Variants in UNC5D observed in about 807,000 individuals in gnomAD.
UNC5D encodes the protein unc-5 netrin receptor D, also known as netrin receptor UNC5D.
A neutral mutation model predicts 105.4 loss-of-function variants in UNC5D; 39 were observed. The ratio of observed to expected loss-of-function variants is 0.37; its 90% CI spans 0.29 to 0.48. UNC5D has a LOEUF of 0.48. Among genes scored for constraint, UNC5D ranks in the 20% least tolerant of loss-of-function variants. The pLI, the probability that UNC5D is intolerant of heterozygous loss-of-function variation, is 0.98. For missense variants in UNC5D, 991 were observed against 1,202.4 expected (o/e 0.82, Z 2.60); for synonymous variants, 452 against 450.4 (o/e 1.00, Z -0.04).
At chr8:35,352,203 A>T (rs1488365123) in intron 1 of UNC5D, among the ~76,000 whole-genome samples, 1 of 152,092 alleles carries the variant, frequency 6.6e-6, no homozygotes, top group Non-Finnish European at 1.5e-5. Context: ...ATATTTATTG[A>T]CACATAAGAT....
chr8:35,751,067 C>G (rs1328093329), intron 13 of UNC5D, among the ~76,000 whole-genome samples: 1 of 152,072 alleles, frequency 6.6e-6, no homozygotes, highest in Non-Finnish European at 1.5e-5. Flanking sequence ...TCAGTCTCCC[C>G]AAGAATTTAA....
At chr8:35,240,957 G>A (rs112053286) in intron 1 of UNC5D, among the ~76,000 whole-genome samples, 1 of 152,230 alleles carries the variant, frequency 6.6e-6, no homozygotes, top group African/African-American at 2.4e-5. Context: ...TTTCAATTTT[G>A]AATTTCGGCA....
chr8:35,625,243 G>A (rs930626755), intron 4 of UNC5D, among the ~76,000 whole-genome samples: 1 of 152,136 alleles, frequency 6.6e-6, no homozygotes, highest in African/African-American at 2.4e-5. Context: ...GAAAAAAAAT[G>A]TTAGAAATGC....
intron 1 of UNC5D, among the ~76,000 whole-genome samples, chr8:35,498,084 C>CA (rs58175711): frequency 0.065 from 3,727 of 57,186 alleles, 239 homozygotes; most frequent in Non-Finnish European, 0.088. Context: ...CAAAACAAAA[C>CA]AAAAAAAAAA....
intron 4 of UNC5D, among the ~76,000 whole-genome samples, chr8:35,626,006 T>C (rs761044439): frequency 7.2e-5 from 11 of 152,206 alleles, no homozygotes; most frequent in Admixed American, 1.3e-4. Context: ...AAATTGCTCC[T>C]TGGCAGATAG....
intron 3 of UNC5D, among the ~76,000 whole-genome samples, chr8:35,576,186 C>T (rs1818077145): frequency 6.6e-6 from 1 of 152,190 alleles, no homozygotes; most frequent in Admixed American, 6.5e-5. Flanking sequence ...ACAGCAAGTG[C>T]ATTAAATCAA....
chr8:35,682,399 A>G (rs891832573), intron 4 of UNC5D, among the ~76,000 whole-genome samples: 1 of 152,166 alleles, frequency 6.6e-6, no homozygotes, highest in Non-Finnish European at 1.5e-5. Context: ...CCTGATGTGT[A>G]TGCTCCTGTG....
chr8:35,274,990 C>T (rs972336864), intron 1 of UNC5D, among the ~76,000 whole-genome samples: 1 of 151,816 alleles, frequency 6.6e-6, no homozygotes, highest in Admixed American at 6.6e-5. Context: ...ACTCAGGAGG[C>T]TGAGGCAGGA....
At chr8:35,380,833 T>A (rs1017772206) in intron 1 of UNC5D, among the ~76,000 whole-genome samples, 1 of 152,214 alleles carries the variant, frequency 6.6e-6, no homozygotes, top group Non-Finnish European at 1.5e-5. Flanking sequence ...ACCTATAGCA[T>A]TTTTTATGTC....
chr8:35,488,795 G>A (rs914858241), intron 1 of UNC5D, among the ~76,000 whole-genome samples: 30 of 152,082 alleles, frequency 2.0e-4, no homozygotes, highest in African/African-American at 6.5e-4. Flanking sequence ...ACAGATTGGC[G>A]ATGGGACAAG....
chr8:35,437,561 C>T (rs976684716), intron 1 of UNC5D, among the ~76,000 whole-genome samples: 1 of 152,074 alleles, frequency 6.6e-6, no homozygotes, highest in Non-Finnish European at 1.5e-5. Context: ...GGCCAACCAA[C>T]ATTTATATAC....
chr8:35,281,397 C>G (rs973618233), intron 1 of UNC5D, among the ~76,000 whole-genome samples: 15 of 148,292 alleles, frequency 1.0e-4, no homozygotes, highest in African/African-American at 3.2e-4. Flanking sequence ...AATTACAGCT[C>G]TTTCTCTTTT....
chr8:35,256,277 C>A (rs903599309), intron 1 of UNC5D: 1 of 152,126 alleles, frequency 6.6e-6, no homozygotes, highest in Non-Finnish European at 1.5e-5. Flanking sequence ...TGAATAGGTA[C>A]CAACTACAAT....
At chr8:35,695,709 TATTA>T (rs1826719764) in intron 7 of UNC5D, among the ~76,000 whole-genome samples, 2 of 140,156 alleles carry the variant, frequency 1.4e-5, no homozygotes, top group Non-Finnish European at 3.0e-5. Context: ...AGTATTTTTA[TATTA>T]TTTATTTATT....
At chr8:35,307,231 C>G (rs1808493566) in intron 1 of UNC5D, among the ~76,000 whole-genome samples, 1 of 152,160 alleles carries the variant, frequency 6.6e-6, no homozygotes, top group Non-Finnish European at 1.5e-5. Context: ...GCAGGTTGGA[C>G]CAGCTTGGCC....
At chr8:35,583,583 C>T (rs762365441) in intron 3 of UNC5D, among the ~76,000 whole-genome samples, 2 of 152,116 alleles carry the variant, frequency 1.3e-5, no homozygotes, top group Non-Finnish European at 2.9e-5. Flanking sequence ...AGTAGAACAA[C>T]AGTACTCTCA....
intron 1 of UNC5D, among the ~76,000 whole-genome samples, chr8:35,431,981 A>C (rs930280974): frequency 7.9e-5 from 12 of 152,306 alleles, no homozygotes; most frequent in African/African-American, 2.9e-4. Flanking sequence ...TATTAAAATT[A>C]ATTTTATGAC....
chr8:35,293,604 G>T (rs1372317439), intron 1 of UNC5D, among the ~76,000 whole-genome samples: 1 of 152,070 alleles, frequency 6.6e-6, no homozygotes, highest in Admixed American at 6.6e-5. Context: ...TTTCTGCCAT[G>T]TCCACAATCT....
chr8:35,676,749 T>C (rs1825252512), intron 4 of UNC5D, among the ~76,000 whole-genome samples: 1 of 152,138 alleles, frequency 6.6e-6, no homozygotes, highest in South Asian at 2.1e-4. Flanking sequence ...ATAACATTCA[T>C]GGATGGTTGA....
Sources: allele counts gnomAD v4.1 joint callset (sites outside exome capture counted in the v4.1 genomes callset), GRCh38; gene constraint gnomAD v4.1.1; transcripts MANE v1.5; gene names NCBI Gene and HGNC (gene_info 2026-07-23, HGNC 2026-07-21).